MAPK8IP3: variants seen among roughly 807,000 people sequenced by gnomAD.
The protein encoded by MAPK8IP3 is mitogen-activated protein kinase 8 interacting protein 3, also known as C-Jun-amino-terminal kinase-interacting protein 3.
A neutral mutation model predicts 157.8 loss-of-function variants in MAPK8IP3; 49 were observed. The ratio of observed to expected loss-of-function variants is 0.31; its 90% CI spans 0.25 to 0.39. The LOEUF (loss-of-function observed/expected upper bound fraction) is 0.39. MAPK8IP3 is among the 10% of genes least tolerant of loss of function. MAPK8IP3 has a pLI of 1.00. For synonymous variants in MAPK8IP3, 897 were observed against 777.7 expected, an observed-to-expected ratio of 1.15 and a Z score of -2.55; for missense variants, 1,478 against 1,889.4, an observed-to-expected ratio of 0.78 and a Z score of 4.04.
chr16:1,738,300 CTG>C (rs1440961606), intron 4 of MAPK8IP3, among the ~76,000 whole-genome samples: 6 of 58,216 alleles, frequency 1.0e-4, no homozygotes, highest in Non-Finnish European at 1.3e-4. Flanking sequence ...ATGTGAGCAT[CTG>C]TGTGACCGTC....
At chr16:1,729,839 C>T (rs2039178680) in intron 4 of MAPK8IP3, among the ~76,000 whole-genome samples, 1 of 152,094 alleles carries the variant, frequency 6.6e-6, no homozygotes, top group Non-Finnish European at 1.5e-5. Flanking sequence ...CAGGGAGGCC[C>T]CGGGCAGCTT....
chr16:1,735,873 A>G (rs1368467196), intron 4 of MAPK8IP3, among the ~76,000 whole-genome samples: 1 of 115,910 alleles, frequency 8.6e-6, no homozygotes, highest in African/African-American at 3.4e-5. Flanking sequence ...ATGACCGTCC[A>G]TGGAGCATCT....
At chr16:1,737,539 C>T (rs1344524325) in intron 4 of MAPK8IP3, among the ~76,000 whole-genome samples, 1 of 79,538 alleles carries the variant, frequency 1.3e-5, no homozygotes, top group Non-Finnish European at 2.4e-5. Flanking sequence ...TGTGACCATT[C>T]GTGTGAGAGT....
At position 1,768,611 on chromosome 16, in the gene MAPK8IP3, A is replaced by G. The variant is rs763253695; in HGVS notation, c.3877A>G (p.Ile1293Val). ...VLVLSGGEGY[I>V]DFRIGDGEDD... Reference sequence around the variant, plus strand: ...GGTGCTGAGCGGCGGGGAGGGCTACATCGACTTCCGCATTGGTGAGCGGGG... The same window carrying G: ...GGTGCTGAGCGGCGGGGAGGGCTACGTCGACTTCCGCATTGGTGAGCGGGG... Residue 1293 changes from isoleucine to valine, a missense_variant, in exon 31 of 32, where the codon ATC becomes GTC. By Grantham distance (29) the Ile-to-Val change is conservative. Coordinates refer to ENST00000610761, the MANE Select transcript of MAPK8IP3 (RefSeq NM_001318852.2). 1 of 1,596,282 alleles carries G rather than the reference A, an allele frequency of 6.3e-7. No individual in the cohort carries two copies. Among genetic ancestry groups the G allele is most frequent in the Non-Finnish European group, 8.5e-7 (1 of 1,171,416 alleles).
At chr16:1,748,547 C>A in intron 7 of MAPK8IP3, 55 bp from the exon 8 acceptor site, 1 of 1,430,888 alleles carries the variant, frequency 7.0e-7, no homozygotes. Flanking sequence ...CAGACGCAGC[C>A]ACTCCGGGCT....
intron 5 of MAPK8IP3, chr16:1,744,566 C>G: frequency 2.0e-6 from 2 of 985,688 alleles, no homozygotes; most frequent in Non-Finnish European, 2.4e-6. Context: ...TGGGCCCAGC[C>G]CTGCCACCTG....
At chr16:1,740,126 G>C (rs554408456) in intron 4 of MAPK8IP3, among the ~76,000 whole-genome samples, 21 of 133,816 alleles carry the variant, frequency 1.6e-4, no homozygotes, top group Non-Finnish European at 6.3e-5. Context: ...CCGTGTGAGC[G>C]TGTGACTGTC....
At chr16:1,711,962 A>G (rs1393315718) in intron 1 of MAPK8IP3, among the ~76,000 whole-genome samples, 1 of 151,018 alleles carries the variant, frequency 6.6e-6, no homozygotes, top group Non-Finnish European at 1.5e-5. Context: ...AAAAAAGAAA[A>G]AAAAAGAAAA....
chr16:1,767,777 C>T, intron 27 of MAPK8IP3, 28 bp from the exon 28 acceptor site: 1 of 1,611,554 alleles, frequency 6.2e-7, no homozygotes, highest in Non-Finnish European at 8.5e-7. Context: ...TGCTCAAGGC[C>T]AGCCACCCTG....
At chr16:1,740,674 G>A (rs996709664) in intron 4 of MAPK8IP3, among the ~76,000 whole-genome samples, 7 of 152,172 alleles carry the variant, frequency 4.6e-5, no homozygotes, top group East Asian at 1.9e-4. Context: ...GTGTGCTGCC[G>A]TGTCTGTCGC....
At chr16:1,748,451 C>G (rs1255747084) in intron 7 of MAPK8IP3, 105 bp downstream of exon 7, 1 of 1,179,090 alleles carries the variant, frequency 8.5e-7, no homozygotes, top group African/African-American at 1.5e-5. Context: ...ACCATCAAGG[C>G]TGTGGCCTAC....
chr16:1,761,903 C>G (rs189510821), intron 13 of MAPK8IP3, among the ~76,000 whole-genome samples: 3 of 152,196 alleles, frequency 2.0e-5, no homozygotes, highest in African/African-American at 7.2e-5. Flanking sequence ...GGGGACTCAC[C>G]GGCGCTTCTG....
rs1171067979 is a variant in MAPK8IP3, at chr16:1,770,185, C to T, written c.*1361C>T. 6.4e-6 allele frequency: 1 copy of T among 155,348 alleles called. No homozygotes were observed. The highest frequency in any genetic ancestry group is 1.4e-5 in the Non-Finnish European group (1 of 70,106). The allele number at this position is 155,348 out of a possible 1,614,324, so 9.6% of individuals were successfully genotyped here. On this transcript the variant is annotated 3_prime_UTR_variant, in exon 32 of 32. Transcript: ENST00000610761. ...TGTATGTCCGCTCCCTCGTCTGTTC[C>T]CCCAGGATCTCGAAGTGACTCCGGG...
Position 1,768,881 on chromosome 16 carries a change from G to A in MAPK8IP3, c.*57G>A, listed in dbSNP as rs1310955645. ...TAGGACCCCCGACCACCTGACCCCC[G>A]CCCGGCCCGCGGGGTAGCCAGCCAG... is the stretch of plus-strand genomic sequence containing the variant. On this transcript the variant is annotated 3_prime_UTR_variant, in exon 32 of 32. Coordinates refer to ENST00000610761, the MANE Select transcript of MAPK8IP3 (RefSeq NM_001318852.2). 3.8e-6 allele frequency: 6 copies of A among 1,587,926 alleles called. No individual in the cohort carries two copies. The highest frequency in any genetic ancestry group is 4.3e-6 in the Non-Finnish European group (5 of 1,167,930).
intron 1 of MAPK8IP3, among the ~76,000 whole-genome samples, chr16:1,714,415 G>A (rs182130319): frequency 1.4e-3 from 216 of 152,296 alleles, no homozygotes; most frequent in African/African-American, 4.9e-3. Context: ...CCACTGTTAC[G>A]GCAAGAGATC....
chr16:1,768,118 C>A lies in MAPK8IP3; in HGVS notation c.3562+11C>A. On this transcript the variant is annotated intron_variant, in intron 29 of 31. Transcript: ENST00000610761. Reference sequence around the variant, plus strand: ...TCCTGGGGCTCCGAGGTAAGCCCAGCCACCTCGTGTCCCCTCACGGGAGCC... The same window carrying A: ...TCCTGGGGCTCCGAGGTAAGCCCAGACACCTCGTGTCCCCTCACGGGAGCC... The A allele has an allele frequency of 1.2e-6, 2 of 1,612,052 alleles. No individual in the cohort carries two copies. Among genetic ancestry groups the A allele is most frequent in the Non-Finnish European group, 1.7e-6 (2 of 1,179,960 alleles).
chr16:1,724,519 C>T lies in MAPK8IP3; in HGVS notation c.319-38C>T, dbSNP rs1251210485. 1.9e-6 allele frequency: 3 copies of T among 1,607,728 alleles called. No homozygotes were observed. The highest frequency in any genetic ancestry group is 2.2e-5 in the East Asian group (1 of 44,740). On this transcript the variant is annotated intron_variant, in intron 1 of 31. Transcript: ENST00000610761. The surrounding 1 kb of genome is among the most constrained non-coding windows in gnomAD (Gnocchi z 4.1). ...GTGAAAGGCGGCTGCTCCACACTCACTCCTGATGACTGCTCTTTCCCTCCC... is the reference window on the plus strand; with the variant it reads ...GTGAAAGGCGGCTGCTCCACACTCATTCCTGATGACTGCTCTTTCCCTCCC...
intron 8 of MAPK8IP3, among the ~76,000 whole-genome samples, chr16:1,755,752 C>G (rs914696173): frequency 2.0e-5 from 3 of 149,278 alleles, no homozygotes; most frequent in African/African-American, 7.4e-5. Flanking sequence ...AAGACTAAGG[C>G]AAGTGAATCG....
chr16:1,760,037 G>C (rs1046629973), intron 11 of MAPK8IP3, 22 bp downstream of exon 11: 1 of 1,613,974 alleles, frequency 6.2e-7, no homozygotes, highest in South Asian at 1.1e-5. Context: ...CTTCTCCTGT[G>C]TGGTGGGGCT....
Sources: allele counts gnomAD v4.1 joint callset (sites outside exome capture counted in the v4.1 genomes callset), GRCh38; gene constraint gnomAD v4.1.1; non-coding constraint Gnocchi (gnomAD v3.1); transcripts MANE v1.5; gene names NCBI Gene and HGNC (gene_info 2026-07-23, HGNC 2026-07-21).